Variants in OTUD7A observed in about 807,000 individuals in gnomAD.
OTUD7A encodes the protein OTU deubiquitinase 7A.
In OTUD7A, 12 loss-of-function variants were observed where a neutral mutation model predicts 65.7. The ratio of observed to expected loss-of-function variants is 0.18; its 90% CI spans 0.12 to 0.30. The LOEUF (loss-of-function observed/expected upper bound fraction) is 0.30, where lower values mean the gene tolerates loss of function less well. OTUD7A is among the 10% of genes least tolerant of loss of function. The pLI, the probability that OTUD7A is intolerant of heterozygous loss-of-function variation, is 1.00. For synonymous variants in OTUD7A, 641 were observed against 586.3 expected (o/e 1.09, Z -1.35); for missense variants, 1,148 against 1,304.8 (o/e 0.88, Z 1.85).
At chr15:31,657,632 A>G (rs1461769323) in intron 1 of OTUD7A, among the ~76,000 whole-genome samples, 2 of 151,812 alleles carry the variant, frequency 1.3e-5, no homozygotes, top group Non-Finnish European at 2.9e-5. Context: ...GAGTGCTGGG[A>G]TTGCAGGCGT....
chr15:31,742,729 C>T (rs867959393), intron 1 of OTUD7A, among the ~76,000 whole-genome samples: 2 of 151,986 alleles, frequency 1.3e-5, no homozygotes, highest in East Asian at 3.9e-4. Context: ...TTTACAGATA[C>T]TCACTTTAAA....
chr15:31,816,618 T>C (rs1320275465), intron 1 of OTUD7A, among the ~76,000 whole-genome samples: 1 of 151,488 alleles, frequency 6.6e-6, no homozygotes, highest in Non-Finnish European at 1.5e-5. Flanking sequence ...GGCGTGAACC[T>C]GGGAGGCAGA....
In OTUD7A at chr15:31,484,526, G is replaced by A. The variant is rs750981963; in HGVS notation, c.1570C>T (p.Leu524=). Residue 524 remains leucine (L), a synonymous_variant, in exon 13 of 13, where the codon CTG becomes TTG. Transcript: ENST00000307050. This position sits in a 1 kb window ranked among gnomAD's most constrained non-coding sequence, Gnocchi z 4.5. ...CCCAGCGTCTTGCTGAAGCTGCCCA[G>A]CTTGTTGGCCACGGAGTCGGCGCGC... The part of the protein sequence containing the change: ...KTRADSVANK[L]GSFSKTLGIK... The A allele has an allele frequency of 2.5e-6, 4 of 1,610,888 alleles. No homozygotes were observed. The highest frequency in any genetic ancestry group is 3.4e-6 in the Non-Finnish European group (4 of 1,179,988).
chr15:31,647,001 GA>G, intron 3 of OTUD7A, among the ~76,000 whole-genome samples: 1 of 152,334 alleles, frequency 6.6e-6, no homozygotes, highest in East Asian at 1.9e-4. Context: ...GGCCAGGCGA[GA>G]GGGAGTATCT....
At chr15:31,565,260 C>T (rs1317976358) in intron 4 of OTUD7A, among the ~76,000 whole-genome samples, 1 of 152,102 alleles carries the variant, frequency 6.6e-6, no homozygotes, top group East Asian at 1.9e-4. Context: ...AAATAAAAAA[C>T]TGAATTAATT....
At chr15:31,503,901 C>T in intron 8 of OTUD7A, 83 bp from the exon 9 acceptor site, 1 of 1,513,148 alleles carries the variant, frequency 6.6e-7, no homozygotes, top group Non-Finnish European at 9.1e-7. Context: ...CATGCAGGGG[C>T]TGAGCCCTCC....
intron 1 of OTUD7A, chr15:31,768,165 C>T: frequency 1.3e-6 from 2 of 1,485,130 alleles, no homozygotes; most frequent in Non-Finnish European, 1.9e-6. Context: ...AGCTTGGTGG[C>T]CCGATAAGGC....
intron 3 of OTUD7A, among the ~76,000 whole-genome samples, chr15:31,604,688 T>C (rs1460423758): frequency 6.6e-6 from 1 of 152,224 alleles, no homozygotes; most frequent in Non-Finnish European, 1.5e-5. Context: ...TAAAGTGCAT[T>C]AAGTTAGTAA....
rs557256542 is a variant in OTUD7A, at chr15:31,857,069, AAC to A, written c.-100+13436_-100+13437del. Among the ~76,000 whole-genome samples, 849 of 152,310 alleles carry A rather than the reference AAC, an allele frequency of 5.6e-3. 4 individuals are homozygous for A. The highest frequency in any genetic ancestry group is 9.9e-3 in the Admixed American group (152 of 15,306). On this transcript the variant is annotated intron_variant, in intron 1 of 12. Transcript: ENST00000307050. ...GTACCTAGTCTTACCCTCATTCCAC[AAC>A]ATGGAAATAGAGGCTTAAAGAAGTG... is the stretch of plus-strand genomic sequence containing the variant.
At chr15:31,722,930 T>C (rs1473008853) in intron 1 of OTUD7A, among the ~76,000 whole-genome samples, 6 of 152,356 alleles carry the variant, frequency 3.9e-5, no homozygotes, top group Non-Finnish European at 7.3e-5. Flanking sequence ...ACCCAAATCC[T>C]CTTAGCCCCC....
chr15:31,620,783 T>C (rs7166996), intron 3 of OTUD7A, among the ~76,000 whole-genome samples: 2 of 105,318 alleles, frequency 1.9e-5, no homozygotes, highest in African/African-American at 1.2e-4. Context: ...CTGCTCTGAT[T>C]TTAGTTATTT....
chr15:31,691,075 T>G (rs1458849144), intron 1 of OTUD7A, among the ~76,000 whole-genome samples: 1 of 152,166 alleles, frequency 6.6e-6, no homozygotes, highest in African/African-American at 2.4e-5. Context: ...ACAGAACCCC[T>G]GTAACTCAAC....
intron 5 of OTUD7A, among the ~76,000 whole-genome samples, chr15:31,539,401 G>A (rs1887916761): frequency 6.6e-6 from 1 of 152,162 alleles, no homozygotes; most frequent in Non-Finnish European, 1.5e-5. Flanking sequence ...CTTGGGAGAA[G>A]GGTGAGGAAT....
Position 31,483,618 on chromosome 15 carries a change from G to T in OTUD7A, c.2478C>A (p.Thr826=). 8.3e-7 allele frequency: 1 copy of T among 1,197,834 alleles called. No homozygotes were observed. The highest frequency in any genetic ancestry group is 3.3e-4 in the Middle Eastern group (1 of 3,040). 74.2% of individuals were successfully genotyped at this position (1,197,834 alleles called of 1,614,324 possible). ...GCGCCAGCGACTCGACCGTGTTGAC[G>T]GTGCGCAGGGCGGCGGCGCGCGCCG... is the stretch of plus-strand genomic sequence containing the variant. ...YSPARAAALR[T]VNTVESLARA... Residue 826 remains threonine (T), a synonymous_variant, in exon 13 of 13, where the codon ACC becomes ACA. Coordinates refer to ENST00000307050, the MANE Select transcript of OTUD7A (RefSeq NM_001382637.1).
chr15:31,853,063 G>C (rs1010729292), intron 1 of OTUD7A, among the ~76,000 whole-genome samples: 3 of 152,150 alleles, frequency 2.0e-5, no homozygotes, highest in Admixed American at 6.5e-5. Context: ...GGTGGCCCTC[G>C]CTGGGATGCC....
rs1404464424 is a variant in OTUD7A at position 31,716,333 on chromosome 15, T to A, written c.-99-59256A>T. 4.9e-5 allele frequency among the ~76,000 whole-genome samples: 5 copies of A among 102,674 alleles called. 2 individuals are homozygous for A. The highest frequency in any genetic ancestry group is 1.1e-4 in the Non-Finnish European group (5 of 46,820). The allele number at this position is 102,674 out of a possible 152,430, so 67.4% of individuals were successfully genotyped here. On this transcript the variant is annotated intron_variant, in intron 1 of 12. Transcript: ENST00000307050. ...TATTGATTAATATATTACATATGGA[T>A]TAATTACATATTATATATTATTACA...
At position 31,816,241 on chromosome 15, in the gene OTUD7A, T is replaced by G. The variant is rs893012527; in HGVS notation, c.-100+54266A>C. ...TGGGTAGAGGGCCCACAGGTACACA[T>G]GCAATTCTAGCATGTCCTTCCTGGA... On this transcript the variant is annotated intron_variant, in intron 1 of 12. Transcript: ENST00000307050. Among the ~76,000 whole-genome samples, 13 of 152,316 alleles carry G rather than the reference T, an allele frequency of 8.5e-5. No homozygotes were observed. In the South Asian group the frequency reaches 1.2e-3, roughly 15 times the overall value.
chr15:31,552,369 A>G (rs1392341051), intron 5 of OTUD7A, among the ~76,000 whole-genome samples: 1 of 152,258 alleles, frequency 6.6e-6, no homozygotes, highest in Non-Finnish European at 1.5e-5. Flanking sequence ...ATGTTTACTA[A>G]TGAATAATTG....
intron 4 of OTUD7A, among the ~76,000 whole-genome samples, chr15:31,561,488 A>C (rs556803249): frequency 2.4e-4 from 36 of 152,274 alleles, no homozygotes; most frequent in African/African-American, 8.7e-4. Flanking sequence ...TGCTCTCAAC[A>C]GTGGGCACCT....
Sources: gnomAD v4.1 joint callset for allele counts (sites outside exome capture counted in the v4.1 genomes callset) on GRCh38, gnomAD v4.1.1 for gene constraint, Gnocchi (gnomAD v3.1) non-coding constraint, MANE v1.5 for transcripts, NCBI Gene and HGNC (gene_info 2026-07-23, HGNC 2026-07-21) for gene names.